Variants in RNF39 observed in about 807,000 individuals in gnomAD.
The protein encoded by RNF39 is ring finger protein 39.
RNF39 carries 25 observed loss-of-function variants against 29.2 expected under a neutral mutation model. The ratio of observed to expected loss-of-function variants is 0.86; its 90% CI spans 0.62 to 1.20. RNF39 has a LOEUF of 1.20. Ranked by LOEUF, RNF39 falls within the 50% of genes most tolerant of loss-of-function variation. The pLI, the probability that RNF39 is intolerant of heterozygous loss-of-function variation, is 0.00. For missense variants in RNF39, 519 were observed against 515.0 expected, an observed-to-expected ratio of 1.01 and a Z score of -0.08; for synonymous variants, 219 against 229.0, an observed-to-expected ratio of 0.96 and a Z score of 0.40.
chr6:30,072,295 A>G lies in RNF39; in HGVS notation c.479-604T>C, dbSNP rs1766054534. Among the ~76,000 whole-genome samples the G allele has an allele frequency of 6.6e-6, 1 of 152,098 alleles. No homozygotes were observed. Among genetic ancestry groups the G allele is most frequent in the Non-Finnish European group, 1.5e-5 (1 of 67,996 alleles). On this transcript the variant is annotated intron_variant, in intron 3 of 3. Transcript: ENST00000244360. This position sits in a 1 kb window ranked among gnomAD's most constrained non-coding sequence, Gnocchi z 4.5. ...AGGTGGTGATAGCCAGAGACCAGAA[A>G]AAGAACCATTGGCCTTATATGTATG...
rs184864291 is a variant in RNF39 at position 30,074,979 on chromosome 6, A to G, written c.363+244T>C. Among the ~76,000 whole-genome samples, 144 of 151,582 alleles carry G rather than the reference A, an allele frequency of 9.5e-4. No individual in the cohort carries two copies. Among genetic ancestry groups the G allele is most frequent in the African/African-American group, 3.4e-3 (139 of 41,298 alleles). ...GTCTCTTCTCTCCAGCCCCTCTCAC[A>G]AGGCTCAGGCATCGGTCCAGCCTCC... On this transcript the variant is annotated intron_variant, in intron 1 of 3. Coordinates refer to ENST00000244360, the MANE Select transcript of RNF39 (RefSeq NM_025236.4). This position sits in a 1 kb window ranked among gnomAD's most constrained non-coding sequence, Gnocchi z 4.1.
At position 30,074,662 on chromosome 6, in the gene RNF39, C is replaced by G. The variant is rs1298210845; in HGVS notation, c.363+561G>C. On this transcript the variant is annotated intron_variant, in intron 1 of 3. Transcript: ENST00000244360. This position sits in a 1 kb window ranked among gnomAD's most constrained non-coding sequence, Gnocchi z 4.1. The stretch of plus-strand genomic sequence containing the variant: ...CAACCCCTTGCTCCCTTCCTCCATC[C>G]TCTTGTCAGTCCCCTCCTCCCCAGC... Among the ~76,000 whole-genome samples, 1 of 152,096 alleles carries G rather than the reference C, an allele frequency of 6.6e-6. No homozygotes were observed. The highest frequency in any genetic ancestry group is 1.5e-5 in the Non-Finnish European group (1 of 68,002).
rs754965997 is a variant in RNF39, at chr6:30,075,255, G to A, written c.331C>T (p.Pro111Ser). 1.5e-5 allele frequency: 24 copies of A among 1,598,826 alleles called. No individual in the cohort carries two copies. The highest frequency in any genetic ancestry group is 1.7e-5 in the Non-Finnish European group (20 of 1,177,028). ...GGCAGGTCCAGGCAGCCCATGGTGGGGATGCGCCCCCCTCGGCGTCTCCCC... is the reference window on the plus strand; with the variant it reads ...GGCAGGTCCAGGCAGCCCATGGTGGAGATGCGCCCCCCTCGGCGTCTCCCC... ...RAGRRRGGRI[P>S]TMGCLDLPGE... The change falls in exon 1 of 4, where the codon CCC becomes TCC. Residue 111 changes from proline to serine, a missense_variant. Physicochemically the swap from Pro to Ser is moderately conservative, Grantham distance 74. Transcript: ENST00000244360.
intron 2 of RNF39, 28 bp from the exon 3 acceptor site, chr6:30,073,276 A>G (rs960366613): frequency 6.4e-7 from 1 of 1,553,044 alleles, no homozygotes; most frequent in Non-Finnish European, 8.9e-7. Flanking sequence ...AGGGTCAGGA[A>G]ATCAGCCCTC....
intron 2 of RNF39, 84 bp downstream of exon 2, chr6:30,073,372 T>G: frequency 6.3e-7 from 1 of 1,591,308 alleles, no homozygotes; most frequent in South Asian, 1.1e-5. Flanking sequence ...TGCCTATTAA[T>G]GGGAACAAAG....
At chr6:30,073,384 T>C in intron 2 of RNF39, 72 bp downstream of exon 2, 3 of 1,595,666 alleles carry the variant, frequency 1.9e-6, no homozygotes, top group Non-Finnish European at 2.6e-6. Flanking sequence ...GGAACAAAGG[T>C]GTGGGCCCAG....
At chr6:30,073,951 G>A (rs1206711666) in intron 1 of RNF39, among the ~76,000 whole-genome samples, 3 of 152,040 alleles carry the variant, frequency 2.0e-5, no homozygotes, top group African/African-American at 7.3e-5. Flanking sequence ...CAGAGCCCTC[G>A]GGCTAAGAGT....
At position 30,071,437 on chromosome 6, in the gene RNF39, C is replaced by T; in HGVS notation, c.733G>A (p.Val245Met). The change falls in exon 4 of 4, where the codon GTG becomes ATG. Residue 245 changes from valine (V) to methionine (M), a missense_variant. Physicochemically the swap from Val to Met is conservative, Grantham distance 21. Transcript: ENST00000244360. This position sits in a 1 kb window ranked among gnomAD's most constrained non-coding sequence, Gnocchi z 5.0. ...DADDEESHYAVGAAGESVQRK... is the reference protein window; with the variant it reads ...DADDEESHYAMGAAGESVQRK... ...TGCACTGATTCCCCGGCCGCGCCCACTGCATAGTGGCTCTCCTCGTCGTCC... is the reference window on the plus strand; with the variant it reads ...TGCACTGATTCCCCGGCCGCGCCCATTGCATAGTGGCTCTCCTCGTCGTCC... 1.3e-6 allele frequency: 2 copies of T among 1,527,976 alleles called. No homozygotes were observed. Among genetic ancestry groups the T allele is most frequent in the Non-Finnish European group, 8.7e-7 (1 of 1,147,058 alleles). The allele number at this position is 1,527,976 out of a possible 1,614,324, so 94.7% of individuals were successfully genotyped here.
rs1003057991 is a variant in RNF39 at position 30,072,281 on chromosome 6, G to A, written c.479-590C>T. 2.6e-5 allele frequency among the ~76,000 whole-genome samples: 4 copies of A among 152,214 alleles called. No individual in the cohort carries two copies. The East Asian group carries it at 5.8e-4, about 22-fold the overall frequency. ...CAGAGGAGGAGAGCAGGTGGTGATA[G>A]CCAGAGACCAGAAAAAGAACCATTG... On this transcript the variant is annotated intron_variant, in intron 3 of 3. Transcript: ENST00000244360. This position sits in a 1 kb window ranked among gnomAD's most constrained non-coding sequence, Gnocchi z 4.5.
intron 1 of RNF39, 80 bp downstream of exon 1, chr6:30,075,143 G>A (rs1278986312): frequency 3.6e-6 from 5 of 1,406,654 alleles, no homozygotes; most frequent in Non-Finnish European, 4.7e-6. Context: ...CAGGGCCTCC[G>A]GCTCCAGACG....
rs1052918327 is a variant in RNF39, at chr6:30,075,299, G to A, written c.287C>T (p.Ala96Val). Residue 96 changes from alanine to valine, a missense_variant, in exon 1 of 4, where the codon GCT becomes GTT. Transcript: ENST00000244360. ...TCTCCCCGCACGGGCCCCAGGCTCA[G>A]CCAGCTTCTCTCGCAGCTCGCGGCT... is the stretch of plus-strand genomic sequence containing the variant. Reference protein sequence around the residue: ...RISRELREKLAEPGARAGRRR... With the variant: ...RISRELREKLVEPGARAGRRR... 1.9e-6 allele frequency: 3 copies of A among 1,598,830 alleles called. No homozygotes were observed. The highest frequency in any genetic ancestry group is 3.4e-5 in the Admixed American group (2 of 59,040).
rs1445455887 is a variant in RNF39, at chr6:30,071,409, C to A, written c.761G>T (p.Arg254Leu). 2.0e-6 allele frequency: 3 copies of A among 1,495,722 alleles called. No homozygotes were observed. The highest frequency in any genetic ancestry group is 8.8e-7 in the Non-Finnish European group (1 of 1,131,094). The allele number at this position is 1,495,722 out of a possible 1,614,324, so 92.7% of individuals were successfully genotyped here. A position where few individuals can be genotyped will look rare whatever the true frequency, so the allele number is the denominator to read the frequency against. ...AGGGCACAGCCTTACGCAGCCCTTG[C>A]GTTGCACTGATTCCCCGGCCGCGCC... is the stretch of plus-strand genomic sequence containing the variant. ...AVGAAGESVQ[R>L]KGCVRLCPAG... The change falls in exon 4 of 4, where the codon CGC becomes CTC. Residue 254 changes from arginine (R) to leucine (L), a missense_variant. Transcript: ENST00000244360. This position sits in a 1 kb window ranked among gnomAD's most constrained non-coding sequence, Gnocchi z 5.0.
In RNF39 at chr6:30,070,817, C is replaced by T. The variant is rs974949446; in HGVS notation, c.*294G>A. The T allele has an allele frequency of 1.4e-5, 9 of 652,642 alleles. No homozygotes were observed. Among genetic ancestry groups the T allele is most frequent in the Non-Finnish European group, 2.5e-5 (9 of 353,290 alleles). The allele number at this position is 652,642 out of a possible 1,614,324, so 40.4% of individuals were successfully genotyped here. ...CCAATACTGATGGGGAGGGCCTGTTCCCCATTGCAGGCCTAGAATGGTTTG... is the reference window on the plus strand; with the variant it reads ...CCAATACTGATGGGGAGGGCCTGTTTCCCATTGCAGGCCTAGAATGGTTTG... On this transcript the variant is annotated 3_prime_UTR_variant, in exon 4 of 4. Coordinates refer to ENST00000244360, the MANE Select transcript of RNF39 (RefSeq NM_025236.4).
chr6:30,073,452 T>A lies in RNF39; in HGVS notation c.386+4A>T. 6.2e-7 allele frequency: 1 copy of A among 1,614,110 alleles called. No individual in the cohort carries two copies. The highest frequency in any genetic ancestry group is 8.5e-7 in the Non-Finnish European group (1 of 1,179,986). ...AAAGGAGGGAACAGAAAAGTGGAAC[T>A]CACCGTCTCCATGTCTTCCTCATAT... On this transcript the variant is annotated splice_donor_region_variant and intron_variant, in intron 2 of 3. Transcript: ENST00000244360.
rs1453774375 is a variant in RNF39 at position 30,074,312 on chromosome 6, C to T, written c.364-834G>A. ...AAGACTTCAAAGGGCAGAAGCAAGA[C>T]CCAAGACCAGCTTGGCTGCTGGGAA... On this transcript the variant is annotated intron_variant, in intron 1 of 3. Coordinates refer to ENST00000244360, the MANE Select transcript of RNF39 (RefSeq NM_025236.4). This position sits in a 1 kb window ranked among gnomAD's most constrained non-coding sequence, Gnocchi z 4.1. Among the ~76,000 whole-genome samples the T allele has an allele frequency of 1.3e-5, 2 of 152,188 alleles. No homozygotes were observed. The highest frequency in any genetic ancestry group is 2.9e-5 in the Non-Finnish European group (2 of 68,034).
At chr6:30,075,170 C>T in intron 1 of RNF39, 53 bp downstream of exon 1, 1 of 1,496,020 alleles carries the variant, frequency 6.7e-7, no homozygotes, top group Non-Finnish European at 8.9e-7. Context: ...TCCCGGCTTC[C>T]CCGGGAACCT....
Position 30,070,936 on chromosome 6 carries a change from G to A in RNF39, c.*175C>T, listed in dbSNP as rs900797549. 1.2e-5 allele frequency: 9 copies of A among 721,314 alleles called. No individual in the cohort carries two copies. The African/African-American group carries it at 1.4e-4, about 11-fold the overall frequency. The allele number at this position is 721,314 out of a possible 1,614,324, so 44.7% of individuals were successfully genotyped here. Reference sequence around the variant, plus strand: ...AATGGATTTGGTTTTGAGCAGGGACGTGGAAACGTGGAGACCAGGTGAGGT... The same window carrying A: ...AATGGATTTGGTTTTGAGCAGGGACATGGAAACGTGGAGACCAGGTGAGGT... On this transcript the variant is annotated 3_prime_UTR_variant, in exon 4 of 4. Coordinates refer to ENST00000244360, the MANE Select transcript of RNF39 (RefSeq NM_025236.4).
In RNF39 at chr6:30,075,723, G is replaced by A. The variant is rs1012634937; in HGVS notation, c.-138C>T. 2.5e-6 allele frequency: 4 copies of A among 1,614,122 alleles called. No homozygotes were observed. Among genetic ancestry groups the A allele is most frequent in the Middle Eastern group, 1.6e-4 (1 of 6,062 alleles). On this transcript the variant is annotated 5_prime_UTR_variant, in exon 1 of 4. Transcript: ENST00000244360. ...CCCGCATTAACTTTTGCCGCTTTCC[G>A]CCCCTCTCCTGGGATTGCCTCTCTC...
Position 30,070,903 on chromosome 6 carries a change from A to T in RNF39, c.*208T>A. 1.4e-6 allele frequency: 1 copy of T among 703,690 alleles called. No individual in the cohort carries two copies. Among genetic ancestry groups the T allele is most frequent in the Non-Finnish European group, 2.6e-6 (1 of 385,974 alleles). The allele number at this position is 703,690 out of a possible 1,614,324, so 43.6% of individuals were successfully genotyped here. The stretch of plus-strand genomic sequence containing the variant: ...GGGGAGAGAAGATTCTGAGAGCCAG[A>T]AGGCAGGAATGGATTTGGTTTTGAG... On this transcript the variant is annotated 3_prime_UTR_variant, in exon 4 of 4. Coordinates refer to ENST00000244360, the MANE Select transcript of RNF39 (RefSeq NM_025236.4).
Sources: allele counts gnomAD v4.1 joint callset (sites outside exome capture counted in the v4.1 genomes callset), GRCh38; gene constraint gnomAD v4.1.1; non-coding constraint Gnocchi (gnomAD v3.1); transcripts MANE v1.5; gene names NCBI Gene and HGNC (gene_info 2026-07-23, HGNC 2026-07-21).